Variants in FER observed in about 807,000 individuals in gnomAD.
FER encodes tyrosine-protein kinase Fer.
A neutral mutation model predicts 111.0 loss-of-function variants in FER; 63 were observed. The ratio of observed to expected loss-of-function variants is 0.57; its 90% CI spans 0.46 to 0.70. The LOEUF (loss-of-function observed/expected upper bound fraction) is 0.70, where lower values mean the gene tolerates loss of function less well. Among genes scored for constraint, FER ranks in the 30% least tolerant of loss-of-function variants. FER has a pLI of 0.00. For missense variants in FER, 914 were observed against 954.0 expected (o/e 0.96, Z 0.55); for synonymous variants, 327 against 313.9 (o/e 1.04, Z -0.44).
At chr5:109,047,047 CAAATT>C in intron 15 of FER, 52 bp from the exon 16 acceptor site, 1 of 981,760 alleles carries the variant, frequency 1.0e-6, no homozygotes. Flanking sequence ...TTTGTGATCA[CAAATT>C]AATGCTTTAT....
At chr5:108,924,261 C>T (rs974389002) in intron 10 of FER, among the ~76,000 whole-genome samples, 5 of 149,458 alleles carry the variant, frequency 3.3e-5, no homozygotes, top group Admixed American at 2.7e-4. Flanking sequence ...TCAGGAGACT[C>T]AGGCAGGATA....
intron 12 of FER, 43 bp from the exon 13 acceptor site, chr5:108,959,182 G>A: frequency 5.7e-6 from 9 of 1,578,742 alleles, no homozygotes; most frequent in East Asian, 2.3e-5. Context: ...ATTTTCTAAA[G>A]CAATGTCTTC....
intron 13 of FER, among the ~76,000 whole-genome samples, chr5:109,001,310 G>C (rs936744254): frequency 3.3e-5 from 5 of 152,278 alleles, no homozygotes; most frequent in Non-Finnish European, 7.4e-5. Context: ...TCTTCCCTGG[G>C]ATGCAAGGCT....
chr5:109,113,697 G>A (rs562569563), intron 17 of FER, among the ~76,000 whole-genome samples: 2 of 152,142 alleles, frequency 1.3e-5, no homozygotes, highest in African/African-American at 4.8e-5. Context: ...ACTATGCCTG[G>A]CGCATAGTAT....
intron 18 of FER, among the ~76,000 whole-genome samples, chr5:109,182,952 C>T (rs903910954): frequency 6.6e-6 from 1 of 152,110 alleles, no homozygotes; most frequent in Non-Finnish European, 1.5e-5. Flanking sequence ...AGCAGTCCTC[C>T]CACCTCATCC....
chr5:109,028,297 T>G (rs73781919), intron 13 of FER, among the ~76,000 whole-genome samples: 11,331 of 152,250 alleles, frequency 0.074, 483 homozygotes, highest in South Asian at 0.12. Context: ...TGAAGAGCAA[T>G]CTATAATTCA....
intron 16 of FER, 73 bp downstream of exon 16, chr5:109,047,271 CTT>C (rs1264256221): frequency 3.6e-6 from 3 of 842,068 alleles, no homozygotes; most frequent in South Asian, 1.6e-5. Flanking sequence ...TGTTCGATCT[CTT>C]TGATTTCTCC....
intron 5 of FER, chr5:108,836,008 C>T (rs1364404625): frequency 1.3e-5 from 4 of 309,154 alleles, no homozygotes; most frequent in Non-Finnish European, 2.4e-5. Context: ...AAAGTATTTT[C>T]GAATAGTTCA....
At chr5:109,043,864 G>T (rs1034807157) in intron 14 of FER, among the ~76,000 whole-genome samples, 1 of 152,020 alleles carries the variant, frequency 6.6e-6, no homozygotes, top group African/African-American at 2.4e-5. Flanking sequence ...CCAGCTACTC[G>T]GGAGGCTGAG....
chr5:108,803,782 T>C (rs1430497502), intron 3 of FER, among the ~76,000 whole-genome samples: 1 of 152,212 alleles, frequency 6.6e-6, no homozygotes, highest in African/African-American at 2.4e-5. Flanking sequence ...CCACTGGCTT[T>C]GTTCTCTTTA....
intron 16 of FER, among the ~76,000 whole-genome samples, chr5:109,095,887 T>G (rs1747449858): frequency 3.9e-5 from 6 of 152,066 alleles, no homozygotes. Context: ...AACAAATTGG[T>G]ATCCTAAAAA....
intron 16 of FER, among the ~76,000 whole-genome samples, chr5:109,074,840 A>T (rs2150003581): frequency 6.6e-6 from 1 of 152,368 alleles, no homozygotes; most frequent in African/African-American, 2.4e-5. Context: ...TGAAAACCTA[A>T]GTAAATGTTA....
At chr5:108,809,264 A>G (rs1187043279) in intron 3 of FER, among the ~76,000 whole-genome samples, 1 of 152,086 alleles carries the variant, frequency 6.6e-6, no homozygotes, top group Non-Finnish European at 1.5e-5. Flanking sequence ...CTAATCCCGT[A>G]TTTCTCAGAG....
intron 13 of FER, among the ~76,000 whole-genome samples, chr5:108,995,822 G>C (rs1763912088): frequency 6.6e-6 from 1 of 152,146 alleles, no homozygotes; most frequent in Non-Finnish European, 1.5e-5. Context: ...TCTGATTCTA[G>C]ATCCTTGAGG....
At position 109,087,664 on chromosome 5, in the gene FER, A is replaced by G. The variant is rs148835144; in HGVS notation, c.1925-12732A>G. Reference sequence around the variant, plus strand: ...AATCCTCATTGGAAAAAAAGTTTCCAATCCTCGGTGCACTTTTTTTTTGGT... The same window carrying G: ...AATCCTCATTGGAAAAAAAGTTTCCGATCCTCGGTGCACTTTTTTTTTGGT... On this transcript the variant is annotated intron_variant, in intron 16 of 19. Coordinates refer to ENST00000281092, the MANE Select transcript of FER (RefSeq NM_005246.4). Among the ~76,000 whole-genome samples, 458 of 150,280 alleles carry G rather than the reference A, an allele frequency of 3.0e-3. 1 individual carries two copies. The highest frequency in any genetic ancestry group is 0.01 in the African/African-American group (432 of 41,150).
chr5:108,963,285 A>G (rs1759368829), intron 13 of FER, among the ~76,000 whole-genome samples: 1 of 152,178 alleles, frequency 6.6e-6, no homozygotes, highest in Non-Finnish European at 1.5e-5. Flanking sequence ...AGATTAGGCC[A>G]AGTGCAGTGG....
intron 2 of FER, among the ~76,000 whole-genome samples, chr5:108,776,888 A>G (rs898057805): frequency 7.9e-5 from 12 of 152,246 alleles, no homozygotes; most frequent in Non-Finnish European, 1.6e-4. Flanking sequence ...GCTTTTTAAA[A>G]ATATACTTTT....
intron 17 of FER, among the ~76,000 whole-genome samples, chr5:109,119,285 G>T (rs1750663985): frequency 6.6e-6 from 1 of 152,136 alleles, no homozygotes; most frequent in African/African-American, 2.4e-5. Flanking sequence ...TCATTCAGGA[G>T]CAGGTTGTTC....
At chr5:108,749,204 A>T (rs545437389) in intron 1 of FER, among the ~76,000 whole-genome samples, 1 of 151,844 alleles carries the variant, frequency 6.6e-6, no homozygotes, top group African/African-American at 2.4e-5. Context: ...CCCTGGCTGC[A>T]GGGTCATCCG....
Sources: gnomAD v4.1 joint callset for allele counts (sites outside exome capture counted in the v4.1 genomes callset) on GRCh38, gnomAD v4.1.1 for gene constraint, MANE v1.5 for transcripts, NCBI Gene and HGNC (gene_info 2026-07-23, HGNC 2026-07-21) for gene names.